Variants in PBXIP1 observed in about 807,000 individuals in gnomAD.
PBXIP1 encodes pre-B-cell leukemia transcription factor-interacting protein 1.
A neutral mutation model predicts 73.7 loss-of-function variants in PBXIP1; 73 were observed. The observed-to-expected ratio is 0.99, with a 90% confidence interval of 0.82 to 1.20. The LOEUF (loss-of-function observed/expected upper bound fraction) is 1.20. Among genes scored for constraint, PBXIP1 ranks in the 50% most tolerant of loss-of-function variants. The probability of loss-of-function intolerance (pLI) is 0.00; values close to 1 mark genes in which losing one functional copy is unlikely to be tolerated. For missense variants in PBXIP1, 818 were observed against 911.4 expected (o/e 0.90, Z 1.32); for synonymous variants, 330 against 366.9 (o/e 0.90, Z 1.15).
In PBXIP1 at chr1:154,951,654, A is replaced by G. The variant is rs1655008332; in HGVS notation, c.179-119T>C. The G allele has an allele frequency of 1.1e-5, 16 of 1,412,630 alleles. No homozygotes were observed. Among genetic ancestry groups the G allele is most frequent in the Non-Finnish European group, 1.6e-5 (16 of 1,004,360 alleles). The allele number at this position is 1,412,630 out of a possible 1,614,324, so 87.5% of individuals were successfully genotyped here. ...AAGAGGCAGGAAAAAGCCAGGATGGAATGAGAAAAGGAGTTTGTCAACTGA... is the reference window on the plus strand; with the variant it reads ...AAGAGGCAGGAAAAAGCCAGGATGGGATGAGAAAAGGAGTTTGTCAACTGA... On this transcript the variant is annotated intron_variant, in intron 3 of 10. Transcript: ENST00000368463. The surrounding 1 kb of genome is among the most constrained non-coding windows in gnomAD (Gnocchi z 4.3).
chr1:154,946,897 C>G, intron 9 of PBXIP1, 94 bp from the exon 10 acceptor site: 1 of 1,296,284 alleles, frequency 7.7e-7, no homozygotes, highest in Non-Finnish European at 1.0e-6. Context: ...TTATAGTGGG[C>G]AGGTGGCCTG....
chr1:154,954,801 G>A (rs990207561), intron 1 of PBXIP1, among the ~76,000 whole-genome samples: 6 of 152,134 alleles, frequency 3.9e-5, no homozygotes, highest in African/African-American at 1.4e-4. Context: ...AGCTCCTGTT[G>A]GGACCAGGCA....
At chr1:154,952,028 G>A in intron 2 of PBXIP1, 107 bp from the exon 3 acceptor site, 1 of 1,248,662 alleles carries the variant, frequency 8.0e-7, no homozygotes, top group Non-Finnish European at 1.1e-6. Context: ...AAGGGGCTCG[G>A]GGCAGCACCA....
rs1016987117 is a variant in PBXIP1 at position 154,953,727 on chromosome 1, C to T, written c.-6G>A. The T allele has an allele frequency of 1.2e-6, 2 of 1,612,868 alleles. No homozygotes were observed. The highest frequency in any genetic ancestry group is 1.7e-6 in the Non-Finnish European group (2 of 1,179,448). ...GAGTCTGGGCAGGAGGCCATAGTTG[C>T]TGAGGTCCCTGAGGCTGCTGTGGCT... On this transcript the variant is annotated 5_prime_UTR_variant, in exon 2 of 11. Coordinates refer to ENST00000368463, the MANE Select transcript of PBXIP1 (RefSeq NM_020524.4).
chr1:154,946,804 C>T lies in PBXIP1; in HGVS notation c.871-1G>A. The T allele has an allele frequency of 1.3e-6, 2 of 1,525,284 alleles. No individual in the cohort carries two copies. The highest frequency in any genetic ancestry group is 1.8e-6 in the Non-Finnish European group (2 of 1,137,740). The allele number at this position is 1,525,284 out of a possible 1,614,324, so 94.5% of individuals were successfully genotyped here. On this transcript the variant is annotated splice_acceptor_variant, in intron 9 of 10. Transcript: ENST00000368463. LOFTEE classifies it high-confidence loss of function. ...GGCTCTGAAGCTCTTCCTTTTGGGC[C>T]TAGAATATGGTTTGGGACAAAGGAA...
Position 154,947,629 on chromosome 1 carries a change from C to T in PBXIP1, c.738+13G>A. On this transcript the variant is annotated intron_variant, in intron 8 of 10. Transcript: ENST00000368463. ...GCCAGGCCCCACCTGCCTCTGGAGA[C>T]ATTCACACATACCTGCCTGTCCCCC... 1 of 1,613,570 alleles carries T rather than the reference C, an allele frequency of 6.2e-7. No homozygotes were observed.
At chr1:154,953,341 C>T (rs920778496) in intron 2 of PBXIP1, among the ~76,000 whole-genome samples, 3 of 152,156 alleles carry the variant, frequency 2.0e-5, no homozygotes, top group Admixed American at 2.0e-4. Context: ...TCCACATCAC[C>T]CATGGGTGTC....
rs1381377191 is a variant in PBXIP1, at chr1:154,946,621, C to T, written c.1053G>A (p.Gly351=). The change falls in exon 10 of 11, where the codon GGG becomes GGA. Residue 351 remains glycine, a synonymous_variant. Coordinates refer to ENST00000368463, the MANE Select transcript of PBXIP1 (RefSeq NM_020524.4). ...LEADCVRGPD[G]VCLSGGRGPQ... The stretch of plus-strand genomic sequence containing the variant: ...GGCCTCTACCCCCACTGAGGCACAC[C>T]CCATCTGGGCCCCGGACACAGTCGG... 3.1e-6 allele frequency: 5 copies of T among 1,612,410 alleles called. No homozygotes were observed. Among genetic ancestry groups the T allele is most frequent in the Non-Finnish European group, 3.4e-6 (4 of 1,179,064 alleles).
At chr1:154,952,033 G>A (rs1655021132) in intron 2 of PBXIP1, 112 bp from the exon 3 acceptor site, 7 of 1,154,856 alleles carry the variant, frequency 6.1e-6, no homozygotes, top group Admixed American at 2.6e-5. Flanking sequence ...GCTCGGGGCA[G>A]CACCAAGTGC....
rs1170522459 is a variant in PBXIP1, at chr1:154,948,254, C to A, written c.522G>T (p.Val174=). Residue 174 remains valine (V), a synonymous_variant, in exon 6 of 11, where the codon GTG becomes GTT. Coordinates refer to ENST00000368463, the MANE Select transcript of PBXIP1 (RefSeq NM_020524.4). ...GREAGPPQPM[V]PLAVENQAGG... ...CAGCCTGGTTCTCCACAGCCAGGGGCACCATGGGCTGAGGTGGGCCGGCCT... is the reference window on the plus strand; with the variant it reads ...CAGCCTGGTTCTCCACAGCCAGGGGAACCATGGGCTGAGGTGGGCCGGCCT... 3 of 1,612,090 alleles carry A rather than the reference C, an allele frequency of 1.9e-6. No homozygotes were observed. Among genetic ancestry groups the A allele is most frequent in the Non-Finnish European group, 2.5e-6 (3 of 1,179,302 alleles).
intron 2 of PBXIP1, among the ~76,000 whole-genome samples, chr1:154,953,450 A>G (rs1655073045): frequency 6.6e-6 from 1 of 152,072 alleles, no homozygotes; most frequent in Non-Finnish European, 1.5e-5. Flanking sequence ...GTCTCAGCTT[A>G]CCCAACTGGT....
chr1:154,945,521 C>T lies in PBXIP1; in HGVS notation c.2102+51G>A, dbSNP rs1654772672. The T allele has an allele frequency of 3.2e-6, 5 of 1,555,584 alleles. No individual in the cohort carries two copies. The African/African-American group carries it at 5.4e-5, about 17-fold the overall frequency. On this transcript the variant is annotated intron_variant, in intron 10 of 10. Transcript: ENST00000368463. ...AACTAATGATCCTTGCTCTTCACAT[C>T]CTCCCGACTGCCTCTGTCCCACCCG...
chr1:154,944,823 T>C lies in PBXIP1; in HGVS notation c.*201A>G. On this transcript the variant is annotated 3_prime_UTR_variant, in exon 11 of 11. Transcript: ENST00000368463. ...AGGGCCTGGAGTATTTGCATGCATT[T>C]GCATAGACGGCAACGCAGGTCCAGC... The C allele has an allele frequency of 1.8e-6, 1 of 553,370 alleles. No homozygotes were observed. Among genetic ancestry groups the C allele is most frequent in the Non-Finnish European group, 3.2e-6 (1 of 308,262 alleles). The allele number at this position is 553,370 out of a possible 1,614,324, so 34.3% of individuals were successfully genotyped here. A position where few individuals can be genotyped will look rare whatever the true frequency, so the allele number is the denominator to read the frequency against.
intron 2 of PBXIP1, among the ~76,000 whole-genome samples, chr1:154,953,373 C>T (rs762608449): frequency 6.6e-6 from 1 of 152,130 alleles, no homozygotes; most frequent in Non-Finnish European, 1.5e-5. Context: ...CCCAGCATGG[C>T]GTTCCCCACT....
intron 2 of PBXIP1, among the ~76,000 whole-genome samples, chr1:154,952,225 C>T (rs1350888205): frequency 6.6e-6 from 1 of 152,194 alleles, no homozygotes; most frequent in Non-Finnish European, 1.5e-5. Context: ...TCCTTCCCCA[C>T]AGATGAACAA....
Position 154,946,888 on chromosome 1 carries a change from T to C in PBXIP1, c.871-85A>G, listed in dbSNP as rs1045752771. On this transcript the variant is annotated intron_variant, in intron 9 of 10. Coordinates refer to ENST00000368463, the MANE Select transcript of PBXIP1 (RefSeq NM_020524.4). ...GCCTTCTACCCCAATTCCATTCTAT[T>C]ATAGTGGGCAGGTGGCCTGAGCCCG... 4 of 1,356,288 alleles carry C rather than the reference T, an allele frequency of 2.9e-6. No individual in the cohort carries two copies. In the African/African-American group the frequency reaches 5.9e-5, roughly 20 times the overall value. 84.0% of individuals were successfully genotyped at this position (1,356,288 alleles called of 1,614,324 possible).
chr1:154,944,117 C>A lies in PBXIP1; in HGVS notation c.*907G>T, dbSNP rs569092862. The A allele has an allele frequency of 2.0e-5, 3 of 152,276 alleles. No individual in the cohort carries two copies. Among genetic ancestry groups the A allele is most frequent in the Non-Finnish European group, 2.9e-5 (2 of 68,030 alleles). 9.4% of individuals were successfully genotyped at this position (152,276 alleles called of 1,614,324 possible). A position where few individuals can be genotyped will look rare whatever the true frequency, so the allele number is the denominator to read the frequency against. On this transcript the variant is annotated 3_prime_UTR_variant, in exon 11 of 11. Coordinates refer to ENST00000368463, the MANE Select transcript of PBXIP1 (RefSeq NM_020524.4). ...TGCTTTTATTTAATCACTTCCCCAG[C>A]CCTTCCATCGCCTTTTTTGAGGATA... is the stretch of plus-strand genomic sequence containing the variant.
intron 2 of PBXIP1, 123 bp downstream of exon 2, chr1:154,953,548 C>A: frequency 1.6e-6 from 1 of 640,444 alleles, no homozygotes. Context: ...CCTCTAACAG[C>A]CAGCAGGAAG....
chr1:154,955,870 C>T (rs993770833), intron 1 of PBXIP1, among the ~76,000 whole-genome samples, 199 bp downstream of exon 1: 1 of 152,250 alleles, frequency 6.6e-6, no homozygotes, highest in African/African-American at 2.4e-5. Context: ...CTCCAAACCG[C>T]TAAAGCAAAG....
Sources: allele counts gnomAD v4.1 joint callset (sites outside exome capture counted in the v4.1 genomes callset), GRCh38; gene constraint gnomAD v4.1.1; non-coding constraint Gnocchi (gnomAD v3.1); transcripts MANE v1.5; gene names NCBI Gene and HGNC (gene_info 2026-07-23, HGNC 2026-07-21).